Variants in LRP1B observed in about 807,000 individuals in gnomAD.
LRP1B encodes the protein LDL receptor related protein 1B, also known as low-density lipoprotein receptor-related protein 1B.
A neutral mutation model predicts 556.6 loss-of-function variants in LRP1B; 217 were observed. The observed-to-expected ratio is 0.39, with a 90% CI of 0.35 to 0.44. LRP1B has a LOEUF of 0.44. Among genes scored for constraint, LRP1B ranks in the 20% least tolerant of loss-of-function variants. The pLI is 1.00. For missense variants in LRP1B, 5,053 were observed against 5,620.8 expected (o/e 0.90, Z 3.23); for synonymous variants, 2,047 against 1,865.8 (o/e 1.10, Z -2.50).
chr2:142,038,412 G>A (rs766610314), intron 1 of LRP1B, among the ~76,000 whole-genome samples: 6 of 151,618 alleles, frequency 4.0e-5, no homozygotes, highest in African/African-American at 7.3e-5. Context: ...ATGAGGTGGA[G>A]CTACATAAAA....
chr2:140,475,375 T>A (rs761750093), intron 59 of LRP1B, 38 bp from the exon 60 acceptor site: 14 of 1,470,434 alleles, frequency 9.5e-6, no homozygotes, highest in Non-Finnish European at 1.2e-5. Flanking sequence ...GTTTACAGAT[T>A]CTCTGGGAGC....
intron 1 of LRP1B, among the ~76,000 whole-genome samples, chr2:141,824,765 C>A (rs536906464): frequency 2.0e-5 from 3 of 152,234 alleles, no homozygotes; most frequent in African/African-American, 7.2e-5. Context: ...CACCTGCTCA[C>A]TGATACTTAA....
rs2105258279 is a variant in LRP1B, at chr2:140,922,994, T to C, written c.3290A>G (p.His1097Arg). Residue 1097 changes from histidine (H) to arginine (R), a missense_variant, in exon 21 of 91, where the codon CAC (histidine) becomes CGC (arginine). Transcript: ENST00000389484. The stretch of plus-strand genomic sequence containing the variant: ...ACTCCAACAGGAAAACTTGGTTTTG[T>C]GGTCACACAATCGTATGGTACCATT... ...GCNGTIRLCD[H>R]KTKFSCWSTG... is the part of the protein sequence containing the mutation. 2 of 1,612,520 alleles carry C rather than the reference T, an allele frequency of 1.2e-6. No homozygotes were observed. Among genetic ancestry groups the C allele is most frequent in the African/African-American group, 1.3e-5 (1 of 74,930 alleles).
At chr2:141,578,062 G>A (rs1465159350) in intron 2 of LRP1B, among the ~76,000 whole-genome samples, 1 of 151,988 alleles carries the variant, frequency 6.6e-6, no homozygotes, top group African/African-American at 2.4e-5. Flanking sequence ...ACATAAACGG[G>A]GGAAAAAATA....
chr2:140,492,755 A>G (rs1688756704), intron 56 of LRP1B, 62 bp from the exon 57 acceptor site: 6 of 1,187,552 alleles, frequency 5.1e-6, no homozygotes, highest in African/African-American at 1.5e-5. Flanking sequence ...CCTTTGCATA[A>G]TTTCAGTTTA....
intron 17 of LRP1B, among the ~76,000 whole-genome samples, chr2:140,988,289 A>G (rs775172106): frequency 5.9e-5 from 9 of 152,066 alleles, no homozygotes; most frequent in Non-Finnish European, 1.0e-4. Context: ...TTTCTCTTAG[A>G]AAGTCTTTTG....
At chr2:142,101,365 C>T (rs1475563905) in intron 1 of LRP1B, among the ~76,000 whole-genome samples, 2 of 152,000 alleles carry the variant, frequency 1.3e-5, no homozygotes, top group African/African-American at 4.8e-5. Flanking sequence ...AAGCTGGCCA[C>T]ACTCACACTT....
At chr2:141,025,371 GCTAA>G (rs1698189061) in intron 11 of LRP1B, among the ~76,000 whole-genome samples, 1 of 152,092 alleles carries the variant, frequency 6.6e-6, no homozygotes, top group African/African-American at 2.4e-5. Context: ...ATATTGTGTA[GCTAA>G]CTATGTGTGA....
chr2:141,297,401 T>C lies in LRP1B; in HGVS notation c.344-42760A>G, dbSNP rs184949061. ...GCCACTATGGAGAGCAGTTTAGTGA[T>C]TTCTCTAAGAAGTAAGAGTTGAAGT... On this transcript the variant is annotated intron_variant, in intron 3 of 90. Coordinates refer to ENST00000389484, the MANE Select transcript of LRP1B (RefSeq NM_018557.3). 6.6e-5 allele frequency among the ~76,000 whole-genome samples: 10 copies of C among 152,330 alleles called. No homozygotes were observed. The East Asian group carries it at 1.7e-3, about 26-fold the overall frequency.
intron 11 of LRP1B, among the ~76,000 whole-genome samples, chr2:141,043,369 T>C (rs912833865): frequency 1.3e-5 from 2 of 151,956 alleles, no homozygotes; most frequent in African/African-American, 2.4e-5. Context: ...AGTAGATGAA[T>C]TGAATCTTCA....
chr2:141,421,478 G>A (rs1399555932), intron 3 of LRP1B, among the ~76,000 whole-genome samples: 13 of 144,836 alleles, frequency 9.0e-5, no homozygotes, highest in Admixed American at 7.0e-4. Context: ...GCAGTGAGCC[G>A]AGATCCCGCC....
chr2:141,258,373 C>T (rs1439173665), intron 3 of LRP1B, among the ~76,000 whole-genome samples: 1 of 152,088 alleles, frequency 6.6e-6, no homozygotes, highest in East Asian at 1.9e-4. Flanking sequence ...GTAGTCCCAG[C>T]TACTCGGGAG....
At chr2:142,023,644 A>G (rs1250456815) in intron 1 of LRP1B, among the ~76,000 whole-genome samples, 1 of 152,242 alleles carries the variant, frequency 6.6e-6, no homozygotes, top group East Asian at 1.9e-4. Flanking sequence ...AGAATCCTTC[A>G]CATTTTAATA....
intron 11 of LRP1B, among the ~76,000 whole-genome samples, chr2:141,042,394 A>G (rs1698728782): frequency 6.6e-6 from 1 of 152,160 alleles, no homozygotes; most frequent in South Asian, 2.1e-4. Context: ...TGGGGAGTAC[A>G]GATCAGGATC....
intron 1 of LRP1B, among the ~76,000 whole-genome samples, chr2:141,882,358 C>G (rs979308543): frequency 6.6e-6 from 1 of 152,058 alleles, no homozygotes; most frequent in Admixed American, 6.6e-5. Flanking sequence ...TTGAAGATTA[C>G]GACAACAGAA....
intron 18 of LRP1B, among the ~76,000 whole-genome samples, chr2:140,978,377 T>C (rs747142978): frequency 3.9e-5 from 6 of 152,172 alleles, no homozygotes; most frequent in Non-Finnish European, 7.3e-5. Flanking sequence ...TGTGTAACAG[T>C]AGCCATAACC....
At chr2:142,072,478 A>C (rs1448322216) in intron 1 of LRP1B, among the ~76,000 whole-genome samples, 1 of 151,860 alleles carries the variant, frequency 6.6e-6, no homozygotes, top group East Asian at 1.9e-4. Context: ...AACCCCTCAA[A>C]TCTTAGACCA....
intron 66 of LRP1B, among the ~76,000 whole-genome samples, chr2:140,430,995 G>A (rs960135764): frequency 2.0e-5 from 3 of 152,174 alleles, no homozygotes; most frequent in Non-Finnish European, 4.4e-5. Flanking sequence ...TGGATGGGTA[G>A]AGGCCTTTCC....
At chr2:141,174,861 G>A (rs1027224544) in intron 7 of LRP1B, among the ~76,000 whole-genome samples, 3 of 152,032 alleles carry the variant, frequency 2.0e-5, no homozygotes, top group African/African-American at 7.2e-5. Flanking sequence ...CTTATTGAAT[G>A]GTTTTGAAAG....
Sources: allele counts gnomAD v4.1 joint callset (sites outside exome capture counted in the v4.1 genomes callset), GRCh38; gene constraint gnomAD v4.1.1; transcripts MANE v1.5; gene names NCBI Gene and HGNC (gene_info 2026-07-23, HGNC 2026-07-21).